The following CTNNA2 variants were observed in gnomAD, a reference collection of about 807,000 sequenced individuals.
CTNNA2 encodes catenin alpha 2.
CTNNA2 carries 42 observed loss-of-function variants against 101.0 expected under a neutral mutation model. The ratio of observed to expected loss-of-function variants is 0.42; its 90% CI spans 0.32 to 0.54. The LOEUF (loss-of-function observed/expected upper bound fraction) is 0.54. Among genes scored for constraint, CTNNA2 ranks in the 20% least tolerant of loss-of-function variants. CTNNA2 has a pLI of 0.14. For missense variants in CTNNA2, 871 were observed against 1,223.1 expected, an observed-to-expected ratio of 0.71 and a Z score of 4.29; for synonymous variants, 450 against 456.4, an observed-to-expected ratio of 0.99 and a Z score of 0.18.
chr2:80,079,598 G>A (rs1698985667), intron 7 of CTNNA2, among the ~76,000 whole-genome samples: 1 of 152,082 alleles, frequency 6.6e-6, no homozygotes, highest in African/African-American at 2.4e-5. Flanking sequence ...CAGATCACAA[G>A]GTCAGGAAAT....
At chr2:80,368,752 C>CT (rs1292753500) in intron 7 of CTNNA2, among the ~76,000 whole-genome samples, 3 of 145,680 alleles carry the variant, frequency 2.1e-5, no homozygotes, top group Admixed American at 1.4e-4. Flanking sequence ...TTTTCAATGG[C>CT]TGATAGGTTT....
chr2:79,435,769 G>A (rs544135445), intron 4 of CTNNA2, among the ~76,000 whole-genome samples: 9 of 152,172 alleles, frequency 5.9e-5, no homozygotes, highest in East Asian at 5.8e-4. Context: ...CAGCAGTGAC[G>A]GAGGTGAGGT....
At chr2:80,580,381 T>C (rs1373186616) in intron 13 of CTNNA2, among the ~76,000 whole-genome samples, 2 of 152,204 alleles carry the variant, frequency 1.3e-5, no homozygotes, top group Non-Finnish European at 2.9e-5. Flanking sequence ...TCTACTCTTT[T>C]TAAGCAATTT....
At chr2:79,933,131 T>C (rs987471686) in intron 7 of CTNNA2, among the ~76,000 whole-genome samples, 14 of 152,206 alleles carry the variant, frequency 9.2e-5, no homozygotes, top group African/African-American at 3.4e-4. Flanking sequence ...GTTTTCTGTG[T>C]TAACATCACC....
At chr2:80,295,846 C>A (rs1055027714) in intron 7 of CTNNA2, among the ~76,000 whole-genome samples, 8 of 152,182 alleles carry the variant, frequency 5.3e-5, no homozygotes, top group Non-Finnish European at 1.0e-4. Flanking sequence ...GAATTATATT[C>A]TTTTAAGTGA....
intron 4 of CTNNA2, among the ~76,000 whole-genome samples, chr2:79,447,680 C>G (rs1045983396): frequency 6.6e-6 from 1 of 151,964 alleles, no homozygotes; most frequent in Non-Finnish European, 1.5e-5. Context: ...GCTGGGTGAC[C>G]TCATCTGAAA....
At chr2:80,437,874 C>A (rs557941075) in intron 9 of CTNNA2, among the ~76,000 whole-genome samples, 1 of 152,114 alleles carries the variant, frequency 6.6e-6, no homozygotes. Flanking sequence ...TGGTGGGTGC[C>A]TTAATCCCAG....
chr2:80,524,634 C>A (rs773644424), intron 9 of CTNNA2, among the ~76,000 whole-genome samples: 1 of 152,156 alleles, frequency 6.6e-6, no homozygotes, highest in Non-Finnish European at 1.5e-5. Context: ...CACATTCTTT[C>A]TTCTTCCCTA....
intron 7 of CTNNA2, among the ~76,000 whole-genome samples, chr2:80,295,504 A>G (rs1434597554): frequency 6.6e-6 from 1 of 152,188 alleles, no homozygotes; most frequent in Non-Finnish European, 1.5e-5. Context: ...ATGAATCAGA[A>G]TGTCTGGAGG....
intron 2 of CTNNA2, among the ~76,000 whole-genome samples, chr2:79,222,906 G>T (rs1674363254): frequency 6.6e-6 from 1 of 151,930 alleles, no homozygotes; most frequent in Admixed American, 6.6e-5. Context: ...CCAGAACTTT[G>T]GAAGGACAAG....
intron 11 of CTNNA2, among the ~76,000 whole-genome samples, chr2:80,547,939 G>A (rs921681337): frequency 3.3e-5 from 5 of 152,050 alleles, no homozygotes; most frequent in African/African-American, 7.2e-5. Flanking sequence ...TGATCCGCCC[G>A]CCTTGGTCTC....
chr2:79,267,217 T>C lies in CTNNA2; in HGVS notation c.-405-45492T>C, dbSNP rs542446204. 2.1e-4 allele frequency among the ~76,000 whole-genome samples: 32 copies of C among 152,238 alleles called. No individual in the cohort carries two copies. In the South Asian group the frequency reaches 6.4e-3, roughly 31 times the overall value. Reference sequence around the variant, plus strand: ...GGAGAAGTCTAAGGAAAAGACTTCATTGAGATAGATGCTATAAAAAAATAC... The same window carrying C: ...GGAGAAGTCTAAGGAAAAGACTTCACTGAGATAGATGCTATAAAAAAATAC... On this transcript the variant is annotated intron_variant, in intron 2 of 21. Coordinates refer to the CTNNA2 transcript ENST00000466387.
At chr2:79,712,501 A>G (rs1267999620) in intron 2 of CTNNA2, among the ~76,000 whole-genome samples, 1 of 152,172 alleles carries the variant, frequency 6.6e-6, no homozygotes, top group Non-Finnish European at 1.5e-5. Flanking sequence ...ACATCAATTA[A>G]TATTATTATC....
At chr2:80,522,262 T>G (rs1689632904) in intron 9 of CTNNA2, among the ~76,000 whole-genome samples, 1 of 152,194 alleles carries the variant, frequency 6.6e-6, no homozygotes. Flanking sequence ...TTCTCAAGGA[T>G]CCTCAAAAGA....
intron 7 of CTNNA2, among the ~76,000 whole-genome samples, chr2:80,020,670 TAATC>T (rs1189372078): frequency 1.3e-5 from 2 of 152,210 alleles, no homozygotes; most frequent in Admixed American, 6.5e-5. Flanking sequence ...AAGATAAAAA[TAATC>T]AATTTCTAAA....
At chr2:79,317,427 G>A (rs968572363) in intron 3 of CTNNA2, among the ~76,000 whole-genome samples, 1 of 151,892 alleles carries the variant, frequency 6.6e-6, no homozygotes, top group African/African-American at 2.4e-5. Flanking sequence ...TCATAGATTG[G>A]GTTGGGTTAT....
intron 7 of CTNNA2, among the ~76,000 whole-genome samples, chr2:80,035,084 A>C (rs772336491): frequency 6.6e-6 from 1 of 152,216 alleles, no homozygotes; most frequent in Non-Finnish European, 1.5e-5. Context: ...ACAAATGAAC[A>C]TTATGTAATT....
intron 4 of CTNNA2, among the ~76,000 whole-genome samples, chr2:79,398,413 C>T (rs938601784): frequency 6.6e-6 from 1 of 152,064 alleles, no homozygotes; most frequent in Non-Finnish European, 1.5e-5. Context: ...AAAAGTAACT[C>T]ATGCCTATAG....
At chr2:79,532,001 T>C (rs1019879106) in intron 1 of CTNNA2, among the ~76,000 whole-genome samples, 7 of 152,126 alleles carry the variant, frequency 4.6e-5, no homozygotes, top group African/African-American at 1.2e-4. Context: ...TTTTTAAAAA[T>C]AAATCCTCCA....
Sources: gnomAD v4.1 joint callset for allele counts (sites outside exome capture counted in the v4.1 genomes callset) on GRCh38, gnomAD v4.1.1 for gene constraint, MANE v1.5 for transcripts, NCBI Gene and HGNC (gene_info 2026-07-23, HGNC 2026-07-21) for gene names.